Variants in DCHS1 observed in about 807,000 individuals in gnomAD.
The protein encoded by DCHS1 is dachsous cadherin-related 1, also known as protocadherin-16.
A neutral mutation model predicts 213.9 loss-of-function variants in DCHS1; 78 were observed. That is an observed-to-expected ratio of 0.36 (90% CI 0.30 to 0.44). DCHS1 has a LOEUF of 0.44. Among genes scored for constraint, DCHS1 ranks in the 20% least tolerant of loss-of-function variants. The pLI is 1.00. For missense variants in DCHS1, 3,946 were observed against 4,395.9 expected (o/e 0.90, Z 2.89); for synonymous variants, 1,828 against 1,873.7 (o/e 0.98, Z 0.63).
chr11:6,655,516 G>A (rs937373923), intron 1 of DCHS1, 47 bp downstream of exon 1: 1 of 970,804 alleles, frequency 1.0e-6, no homozygotes, highest in Non-Finnish European at 1.2e-6. Flanking sequence ...GAGGCCGGCG[G>A]GCAGGGCGGG....
rs989341892 is a variant in DCHS1 at position 6,626,484 on chromosome 11, C to T, written c.6364+68G>A. On this transcript the variant is annotated intron_variant, in intron 15 of 20. Coordinates refer to ENST00000299441, the MANE Select transcript of DCHS1 (RefSeq NM_003737.4). This position sits in a 1 kb window ranked among gnomAD's most constrained non-coding sequence, Gnocchi z 5.2. ...GACAGCCCTTCACCCATCAAAGGCTCCTCTGATGCAAAGAACCTGCTTCCC... is the reference window on the plus strand; with the variant it reads ...GACAGCCCTTCACCCATCAAAGGCTTCTCTGATGCAAAGAACCTGCTTCCC... The T allele has an allele frequency of 1.2e-6, 2 of 1,604,768 alleles. No homozygotes were observed. Among genetic ancestry groups the T allele is most frequent in the Non-Finnish European group, 8.5e-7 (1 of 1,172,890 alleles).
chr11:6,639,734 G>C, intron 2 of DCHS1, 83 bp downstream of exon 2: 1 of 1,213,306 alleles, frequency 8.2e-7, no homozygotes, highest in Non-Finnish European at 1.2e-6. Context: ...AGATGACCTT[G>C]TAAGGCTTGG....
intron 1 of DCHS1, among the ~76,000 whole-genome samples, chr11:6,643,981 T>C (rs1294329794): frequency 6.6e-6 from 1 of 152,226 alleles, no homozygotes; most frequent in African/African-American, 2.4e-5. Flanking sequence ...CAACTAGACA[T>C]GTCTCAGGTC....
At chr11:6,652,897 T>C (rs1856264612) in intron 1 of DCHS1, among the ~76,000 whole-genome samples, 1 of 152,134 alleles carries the variant, frequency 6.6e-6, no homozygotes, top group African/African-American at 2.4e-5. Flanking sequence ...ACTTTCTCCT[T>C]CTCTCCGGCC....
At chr11:6,652,566 T>C (rs894210884) in intron 1 of DCHS1, among the ~76,000 whole-genome samples, 16 of 152,196 alleles carry the variant, frequency 1.1e-4, no homozygotes, top group South Asian at 4.1e-4. Context: ...GGGAAACACA[T>C]GGAATAATCA....
At position 6,622,916 on chromosome 11, in the gene DCHS1, C is replaced by T. The variant is rs988602522; in HGVS notation, c.8760G>A (p.Val2920=). The T allele has an allele frequency of 3.8e-6, 6 of 1,594,280 alleles. No individual in the cohort carries two copies. The African/African-American group carries it at 8.1e-5, about 21-fold the overall frequency. The part of the protein sequence containing the change: ...GSRSATVPVT[V]DITHTALGLA... ...GGCCCAGTGCGGTGTGGGTGATATC[C>T]ACGGTCACAGGCACTGTGGCACTCC... is the stretch of plus-strand genomic sequence containing the variant. The change falls in exon 21 of 21, where the codon GTG becomes GTA. Residue 2920 remains valine (V), a synonymous_variant. Transcript: ENST00000299441. This position sits in a 1 kb window ranked among gnomAD's most constrained non-coding sequence, Gnocchi z 5.4.
At chr11:6,647,352 A>G (rs1165648533) in intron 1 of DCHS1, among the ~76,000 whole-genome samples, 2 of 152,022 alleles carry the variant, frequency 1.3e-5, no homozygotes, top group African/African-American at 4.8e-5. Flanking sequence ...GAGCTGGAAG[A>G]AGGAGGAGGG....
At position 6,629,875 on chromosome 11, in the gene DCHS1, T is replaced by C; in HGVS notation, c.4832A>G (p.Gln1611Arg). 2 of 1,612,926 alleles carry C rather than the reference T, an allele frequency of 1.2e-6. No homozygotes were observed. Among genetic ancestry groups the C allele is most frequent in the South Asian group, 1.1e-5 (1 of 91,070 alleles). ...LSVVRPLDRE[Q>R]RAEHVLTVVA... ...CACTGTCAGTACGTGCTCAGCTCGT[T>C]GTTCGCGGTCCAACGGCCGCACCAC... Residue 1611 changes from glutamine to arginine, a missense_variant, in exon 11 of 21, where the codon CAA becomes CGA. Gln to Arg is a conservative substitution (Grantham distance 43). Transcript: ENST00000299441.
intron 1 of DCHS1, among the ~76,000 whole-genome samples, chr11:6,646,657 G>A (rs769506076): frequency 7.9e-5 from 12 of 151,960 alleles, no homozygotes; most frequent in Admixed American, 2.0e-4. Flanking sequence ...GCCTTGCTAC[G>A]TGCCCTCACT....
intron 1 of DCHS1, among the ~76,000 whole-genome samples, chr11:6,645,362 A>AG (rs1856140305): frequency 6.6e-6 from 1 of 152,194 alleles, no homozygotes; most frequent in Admixed American, 6.5e-5. Flanking sequence ...AGGCTGGGCT[A>AG]GGGGTCAAGG....
In DCHS1 at chr11:6,628,898, T is replaced by A. The variant is rs1855856565; in HGVS notation, c.5162-68A>T. 2 of 1,487,812 alleles carry A rather than the reference T, an allele frequency of 1.3e-6. No homozygotes were observed. The highest frequency in any genetic ancestry group is 1.8e-6 in the Non-Finnish European group (2 of 1,087,174). 92.2% of individuals were successfully genotyped at this position (1,487,812 alleles called of 1,614,324 possible). A position where few individuals can be genotyped will look rare whatever the true frequency, so the allele number is the denominator to read the frequency against. On this transcript the variant is annotated intron_variant, in intron 12 of 20. Coordinates refer to ENST00000299441, the MANE Select transcript of DCHS1 (RefSeq NM_003737.4). This position sits in a 1 kb window ranked among gnomAD's most constrained non-coding sequence, Gnocchi z 4.3. ...ACATGGAGAAATCCACACCACACAG[T>A]GTTCATACATGTTCACTAGGTGCAC...
chr11:6,635,844 G>C (rs1225533175), intron 2 of DCHS1, among the ~76,000 whole-genome samples: 1 of 152,190 alleles, frequency 6.6e-6, no homozygotes, highest in Non-Finnish European at 1.5e-5. Flanking sequence ...ACCCCAAAAG[G>C]CACAGGGGCC....
Position 6,641,851 on chromosome 11 carries a change from C to T in DCHS1, c.-120-118G>A. On this transcript the variant is annotated intron_variant, in intron 1 of 20. Coordinates refer to ENST00000299441, the MANE Select transcript of DCHS1 (RefSeq NM_003737.4). The surrounding 1 kb of genome is among the most constrained non-coding windows in gnomAD (Gnocchi z 7.1). ...CAGCCCCCAGCAGGCCCTTGTGCTG[C>T]CTCACACTCATCTTGGGCCACACGG... The T allele has an allele frequency of 1.1e-6, 1 of 872,168 alleles. No individual in the cohort carries two copies. The highest frequency in any genetic ancestry group is 1.7e-6 in the Non-Finnish European group (1 of 600,498). 54.0% of individuals were successfully genotyped at this position (872,168 alleles called of 1,614,324 possible).
rs1403573591 is a variant in DCHS1, at chr11:6,641,902, C to T, written c.-120-169G>A. Among the ~76,000 whole-genome samples the T allele has an allele frequency of 6.6e-6, 1 of 152,220 alleles. No individual in the cohort carries two copies. Among genetic ancestry groups the T allele is most frequent in the Non-Finnish European group, 1.5e-5 (1 of 68,040 alleles). ...ATCTCTGCCTCAGGACTCTTCGAGGCCACTCCAGCCTTCCCCTTGGCAGAT... is the reference window on the plus strand; with the variant it reads ...ATCTCTGCCTCAGGACTCTTCGAGGTCACTCCAGCCTTCCCCTTGGCAGAT... On this transcript the variant is annotated intron_variant, in intron 1 of 20. Coordinates refer to ENST00000299441, the MANE Select transcript of DCHS1 (RefSeq NM_003737.4). The surrounding 1 kb of genome is among the most constrained non-coding windows in gnomAD (Gnocchi z 7.1).
chr11:6,640,418 G>C lies in DCHS1; in HGVS notation c.1196C>G (p.Ala399Gly). The change falls in exon 2 of 21, where the codon GCC (alanine) becomes GGC (glycine). Residue 399 changes from alanine to glycine, a missense_variant. This residue lies in a region of DCHS1 where 3,384 missense variants were observed against 3,780.1 expected (regional missense o/e 0.90). Transcript: ENST00000299441. This position sits in a 1 kb window ranked among gnomAD's most constrained non-coding sequence, Gnocchi z 6.5. Reference sequence around the variant, plus strand: ...ACCTTCCAGGGACACATTGACATGGGCAAAGTCACCATCATCTGGGTCTGA... The same window carrying C: ...ACCTTCCAGGGACACATTGACATGGCCAAAGTCACCATCATCTGGGTCTGA... ...SVSDPDDGDF[A>G]HVNVSLEGGE... is the part of the protein sequence containing the mutation. The C allele has an allele frequency of 6.2e-7, 1 of 1,613,946 alleles. No individual in the cohort carries two copies. Among genetic ancestry groups the C allele is most frequent in the Non-Finnish European group, 8.5e-7 (1 of 1,179,872 alleles).
chr11:6,653,218 C>G (rs894075366), intron 1 of DCHS1, among the ~76,000 whole-genome samples: 1 of 152,216 alleles, frequency 6.6e-6, no homozygotes, highest in Non-Finnish European at 1.5e-5. Context: ...ATCCCTCACA[C>G]ACACACTATT....
At position 6,634,200 on chromosome 11, in the gene DCHS1, C is replaced by T; in HGVS notation, c.1904G>A (p.Ser635Asn). The T allele has an allele frequency of 6.2e-7, 1 of 1,613,940 alleles. No individual in the cohort carries two copies. The highest frequency in any genetic ancestry group is 8.5e-7 in the Non-Finnish European group (1 of 1,179,856). The change falls in exon 3 of 21, where the codon AGC (serine) becomes AAC (asparagine). Residue 635 changes from serine to asparagine, a missense_variant. Ser to Asn is a conservative substitution (Grantham distance 46). This residue lies in a region of DCHS1 where 3,384 missense variants were observed against 3,780.1 expected (regional missense o/e 0.90). Coordinates refer to ENST00000299441, the MANE Select transcript of DCHS1 (RefSeq NM_003737.4). ...GGTCCGGGTTGTGCACACATCACCG[C>T]TGTGGGCATCAATGCGGAATGGGGG... ...GSPPFRIDAHSGDVCTTRTLD... is the reference protein window; with the variant it reads ...GSPPFRIDAHNGDVCTTRTLD...
At position 6,653,624 on chromosome 11, in the gene DCHS1, T is replaced by C. The variant is rs553612448; in HGVS notation, c.-121+1939A>G. Among the ~76,000 whole-genome samples the C allele has an allele frequency of 7.2e-5, 11 of 152,046 alleles. No homozygotes were observed. In the South Asian group the frequency reaches 2.1e-3, roughly 29 times the overall value. On this transcript the variant is annotated intron_variant, in intron 1 of 20. Coordinates refer to ENST00000299441, the MANE Select transcript of DCHS1 (RefSeq NM_003737.4). ...ATCTATTTATTTATGAAGGGCCCAGTTGAGGTTTGAATTTTTTAGAAGTAT... is the reference window on the plus strand; with the variant it reads ...ATCTATTTATTTATGAAGGGCCCAGCTGAGGTTTGAATTTTTTAGAAGTAT...
At chr11:6,652,736 A>C (rs969513993) in intron 1 of DCHS1, among the ~76,000 whole-genome samples, 4 of 152,200 alleles carry the variant, frequency 2.6e-5, no homozygotes, top group African/African-American at 9.6e-5. Flanking sequence ...CAGAAATCTG[A>C]GGGAATTCAA....
Sources: gnomAD v4.1 joint callset for allele counts (sites outside exome capture counted in the v4.1 genomes callset) on GRCh38, gnomAD v4.1.1 for gene constraint, gnomAD v4.1.1 regional missense constraint, Gnocchi (gnomAD v3.1) non-coding constraint, MANE v1.5 for transcripts, NCBI Gene and HGNC (gene_info 2026-07-23, HGNC 2026-07-21) for gene names.